The following ABLIM1 variants were observed in gnomAD, a reference collection of about 807,000 sequenced individuals.
The protein encoded by ABLIM1 is actin binding LIM protein 1.
In ABLIM1, 40 loss-of-function variants were observed where a neutral mutation model predicts 107.0. That is an observed-to-expected ratio of 0.37 (90% CI 0.29 to 0.49). The LOEUF is 0.49. Among genes scored for constraint, ABLIM1 ranks in the 20% least tolerant of loss-of-function variants. The pLI is 0.97. For synonymous variants in ABLIM1, 357 were observed against 357.3 expected (o/e 1.00, Z 0.01); for missense variants, 857 against 1,008.5 (o/e 0.85, Z 2.04).
intron 3 of ABLIM1, among the ~76,000 whole-genome samples, chr10:114,572,272 T>A (rs1223536688): frequency 2.0e-5 from 3 of 152,222 alleles, no homozygotes; most frequent in Non-Finnish European, 1.5e-5. Flanking sequence ...ACTCACAAGC[T>A]GAACATCACC....
At chr10:114,651,222 T>A (rs1016138268) in intron 1 of ABLIM1, among the ~76,000 whole-genome samples, 1 of 152,138 alleles carries the variant, frequency 6.6e-6, no homozygotes, top group Non-Finnish European at 1.5e-5. Flanking sequence ...CACTCACAGC[T>A]TTTTTTCCAT....
intron 3 of ABLIM1, among the ~76,000 whole-genome samples, chr10:114,575,119 A>G (rs2072325293): frequency 6.6e-6 from 1 of 152,196 alleles, no homozygotes; most frequent in African/African-American, 2.4e-5. Flanking sequence ...CTAAGCAGTT[A>G]TGCCATTTCC....
chr10:114,454,062 A>G (rs1406441757), intron 12 of ABLIM1, among the ~76,000 whole-genome samples: 2 of 152,186 alleles, frequency 1.3e-5, no homozygotes, highest in African/African-American at 2.4e-5. Flanking sequence ...AATATATAAA[A>G]TAGAGTCAGA....
rs758981004 is a variant in ABLIM1, at chr10:114,658,072, C to T, written c.129G>A (p.Arg43=). 4.3e-6 allele frequency: 7 copies of T among 1,614,180 alleles called. No individual in the cohort carries two copies. The highest frequency in any genetic ancestry group is 2.2e-5 in the East Asian group (1 of 44,886). ...NRKRLIVEDR[R]VSGTSFTAHR... is the part of the protein sequence containing the mutation. ...GAGCGGTGAAGGAGGTCCCAGAGAC[C>T]CTCCGGTCCTCAACAATCAGTCTCT... Residue 43 remains arginine (R), a synonymous_variant, in exon 1 of 23, where the codon AGG becomes AGA. Coordinates refer to ENST00000533213, the MANE Select transcript of ABLIM1 (RefSeq NM_002313.7).
the ABLIM1 span, among the ~76,000 whole-genome samples, chr10:114,790,737 A>T: frequency 6.6e-6 from 1 of 152,202 alleles, no homozygotes; most frequent in Non-Finnish European, 1.5e-5. Flanking sequence ...AAGCATGTGA[A>T]TGACTTAAAA....
chr10:114,578,785 C>CT (rs35420465), intron 2 of ABLIM1, among the ~76,000 whole-genome samples: 72,930 of 111,690 alleles, frequency 0.65, 24,776 homozygotes, highest in East Asian at 0.72. Context: ...TCTTTCTTTT[C>CT]TTTTTTTTTT....
intron 1 of ABLIM1, among the ~76,000 whole-genome samples, chr10:114,644,312 T>C (rs1371499287): frequency 1.0e-5 from 1 of 99,358 alleles, no homozygotes; most frequent in Non-Finnish European, 1.8e-5. Context: ...AAAAAATATA[T>C]ATATATATAT....
intron 1 of ABLIM1, among the ~76,000 whole-genome samples, chr10:114,657,363 T>G (rs915008967): frequency 3.3e-5 from 5 of 152,178 alleles, no homozygotes; most frequent in African/African-American, 1.2e-4. Flanking sequence ...AACTCCCAAG[T>G]GCAATAACTC....
Position 114,434,276 on chromosome 10 carries a change from A to T in ABLIM1, c.*1984T>A, listed in dbSNP as rs2059146934. The T allele has an allele frequency of 8.0e-6, 1 of 124,958 alleles. No individual in the cohort carries two copies. Among genetic ancestry groups the T allele is most frequent in the Non-Finnish European group, 1.6e-5 (1 of 60,784 alleles). 7.7% of individuals were successfully genotyped at this position (124,958 alleles called of 1,614,324 possible). A position where few individuals can be genotyped will look rare whatever the true frequency, so the allele number is the denominator to read the frequency against. On this transcript the variant is annotated 3_prime_UTR_variant, in exon 23 of 23. Transcript: ENST00000533213. ...AGCCATTTGCTAAACATGTTAGTAG[A>T]TCCAACACACACACACACACACACA...
intron 1 of ABLIM1, among the ~76,000 whole-genome samples, chr10:114,605,307 C>G (rs1250619787): frequency 2.0e-5 from 3 of 152,142 alleles, no homozygotes; most frequent in Non-Finnish European, 4.4e-5. Context: ...TTTGTTGACT[C>G]GATGCTACAA....
chr10:114,439,301 T>C (rs2059868900), intron 20 of ABLIM1, 51 bp from the exon 21 acceptor site: 1 of 1,598,194 alleles, frequency 6.3e-7, no homozygotes, highest in South Asian at 1.1e-5. Context: ...TCTAGGAAAC[T>C]GAAGGGAGTA....
chr10:114,610,990 A>G (rs1171784630), intron 1 of ABLIM1, among the ~76,000 whole-genome samples: 7 of 152,026 alleles, frequency 4.6e-5, no homozygotes. Context: ...TGTCTCTACC[A>G]AAAATACAAA....
intron 1 of ABLIM1, among the ~76,000 whole-genome samples, chr10:114,656,564 GT>G (rs1430686447): frequency 2.0e-5 from 3 of 151,896 alleles, no homozygotes; most frequent in African/African-American, 7.3e-5. Flanking sequence ...CTCGAACCTT[GT>G]TATGACATTG....
At chr10:114,592,793 T>C (rs2497659) in intron 2 of ABLIM1, among the ~76,000 whole-genome samples, 106,135 of 151,968 alleles carry the variant, frequency 0.7, 37,551 homozygotes, top group Middle Eastern at 0.78. Flanking sequence ...AGAATGACTC[T>C]AAGGCTCTTA....
At chr10:114,461,382 ACAACT>A (rs2063857551) in intron 12 of ABLIM1, among the ~76,000 whole-genome samples, 3 of 140,226 alleles carry the variant, frequency 2.1e-5, no homozygotes. Flanking sequence ...TTTAAAATAC[ACAACT>A]GAAGGGTTTT....
chr10:114,795,713 A>C, the ABLIM1 span, among the ~76,000 whole-genome samples: 1 of 151,722 alleles, frequency 6.6e-6, no homozygotes, highest in African/African-American at 2.4e-5. Flanking sequence ...CCATCTCAAA[A>C]AAAAAAAAAA....
intron 1 of ABLIM1, among the ~76,000 whole-genome samples, chr10:114,748,879 C>T (rs1463284952): frequency 6.6e-6 from 1 of 151,788 alleles, no homozygotes; most frequent in Non-Finnish European, 1.5e-5. Context: ...TGCTATGTTG[C>T]CCAGGCTGGC....
chr10:114,634,129 CTTTTTTTTTT>C (rs745875295), intron 1 of ABLIM1, among the ~76,000 whole-genome samples: 1 of 68,298 alleles, frequency 1.5e-5, no homozygotes, highest in Non-Finnish European at 2.5e-5. Flanking sequence ...CTCAATTTTT[CTTTTTTTTTT>C]TTTTTTTTTT....
At chr10:114,685,213 G>A (rs983312071), upstream of ABLIM1, among the ~76,000 whole-genome samples, 3 of 152,168 alleles carry the variant, frequency 2.0e-5, no homozygotes, top group African/African-American at 4.8e-5. Context: ...GAAAAGTTAT[G>A]AAGACAGTTT....
Sources: gnomAD v4.1 joint callset for allele counts (sites outside exome capture counted in the v4.1 genomes callset) on GRCh38, gnomAD v4.1.1 for gene constraint, MANE v1.5 for transcripts, NCBI Gene and HGNC (gene_info 2026-07-23, HGNC 2026-07-21) for gene names.